Variants in EPO observed in about 807,000 individuals in gnomAD.
The protein encoded by EPO is erythropoietin.
Under a neutral mutation model 24.4 loss-of-function variants are expected in EPO, and 12 were observed. That is an observed-to-expected ratio of 0.49 (90% confidence interval 0.32 to 0.80). The LOEUF (loss-of-function observed/expected upper bound fraction) is 0.80. Among genes scored for constraint, EPO ranks in the 30% least tolerant of loss-of-function variants. The probability of loss-of-function intolerance (pLI) is 0.04; values close to 1 mark genes in which losing one functional copy is unlikely to be tolerated. For synonymous variants in EPO, 107 were observed against 104.0 expected, an observed-to-expected ratio of 1.03 and a Z score of -0.18; for missense variants, 210 against 238.0, an observed-to-expected ratio of 0.88 and a Z score of 0.77.
chr7:100,722,157 A>G, intron 3 of EPO, 109 bp downstream of exon 3: 2 of 1,029,126 alleles, frequency 1.9e-6, no homozygotes, highest in Non-Finnish European at 2.8e-6. Context: ...GGAGCAGCAG[A>G]GATGAGGCTG....
chr7:100,721,945 G>GAAT lies in EPO; in HGVS notation c.160-17_160-16insAAT. The stretch of plus-strand genomic sequence containing the variant: ...GCCTTCAGGGACCCTTGACTCCCCG[G>GAAT]GCTGTGTGCATTTCAGACGGGCTGT... On this transcript the variant is annotated splice_polypyrimidine_tract_variant and intron_variant, in intron 2 of 4. Transcript: ENST00000252723. This position sits in a 1 kb window ranked among gnomAD's most constrained non-coding sequence, Gnocchi z 4.0. 1 of 1,602,416 alleles carries GAAT rather than the reference G, an allele frequency of 6.2e-7. No individual in the cohort carries two copies.
rs939475690 is a variant in EPO at position 100,721,225 on chromosome 7, G to C, written c.13+232G>C. The stretch of plus-strand genomic sequence containing the variant: ...AAGGGGACACAGTTTGGGGGTTGAG[G>C]GGAAGAAGGTTTGGGGGTTCTGCTG... On this transcript the variant is annotated intron_variant, in intron 1 of 4. Coordinates refer to ENST00000252723, the MANE Select transcript of EPO (RefSeq NM_000799.4). This position sits in a 1 kb window ranked among gnomAD's most constrained non-coding sequence, Gnocchi z 4.0. Among the ~76,000 whole-genome samples the C allele has an allele frequency of 2.6e-5, 4 of 152,156 alleles. No homozygotes were observed. Among genetic ancestry groups the C allele is most frequent in the Non-Finnish European group, 5.9e-5 (4 of 68,014 alleles).
Position 100,723,278 on chromosome 7 carries a change from C to A in EPO, c.*145C>A. On this transcript the variant is annotated 3_prime_UTR_variant, in exon 5 of 5. Coordinates refer to ENST00000252723, the MANE Select transcript of EPO (RefSeq NM_000799.4). ...ATGGACACTCCAGTGCCAGCAATGA[C>A]ATCTCAGGGGCCAGAGGAACTGTCC... is the stretch of plus-strand genomic sequence containing the variant. The A allele has an allele frequency of 1.1e-6, 1 of 941,310 alleles. No individual in the cohort carries two copies. The allele number at this position is 941,310 out of a possible 1,614,324, so 58.3% of individuals were successfully genotyped here. A position where few individuals can be genotyped will look rare whatever the true frequency, so the allele number is the denominator to read the frequency against.
Position 100,722,842 on chromosome 7 carries a change from A to G in EPO, c.425A>G (p.Gln142Arg). The G allele has an allele frequency of 1.2e-6, 2 of 1,612,868 alleles. No individual in the cohort carries two copies. The highest frequency in any genetic ancestry group is 1.7e-6 in the Non-Finnish European group (2 of 1,179,654). Residue 142 changes from glutamine to arginine, a missense_variant and splice_region_variant, in exon 4 of 5, where the codon CAG (glutamine) becomes CGG (arginine). Transcript: ENST00000252723. ...ACTCTGCTTCGGGCTCTGGGAGCCC[A>G]GGTGAGTAGGAGCGGACACTTCTGC... ...LTTLLRALGA[Q>R]KEAISPPDAA... is the part of the protein sequence containing the mutation.
chr7:100,720,544 G>A lies in EPO; in HGVS notation c.-437G>A, dbSNP rs1806722840. Among the ~76,000 whole-genome samples the A allele has an allele frequency of 6.6e-6, 1 of 152,008 alleles. No individual in the cohort carries two copies. Among genetic ancestry groups the A allele is most frequent in the Non-Finnish European group, 1.5e-5 (1 of 67,986 alleles). On this transcript the variant is annotated 5_prime_UTR_variant, in exon 1 of 5. Coordinates refer to ENST00000252723, the MANE Select transcript of EPO (RefSeq NM_000799.4). ...ACTCCCCTCCCGCGACCCAGGGCCC[G>A]GGAGCAGCCCCCATGACCCACACGC...
rs2131440755 is a variant in EPO, at chr7:100,721,824, C to G, written c.159+121C>G. 2 of 1,497,588 alleles carry G rather than the reference C, an allele frequency of 1.3e-6. No individual in the cohort carries two copies. Among genetic ancestry groups the G allele is most frequent in the Middle Eastern group, 3.6e-4 (2 of 5,554 alleles). The allele number at this position is 1,497,588 out of a possible 1,614,324, so 92.8% of individuals were successfully genotyped here. A position where few individuals can be genotyped will look rare whatever the true frequency, so the allele number is the denominator to read the frequency against. ...GAGTTGGGAAGCTAGACACTGCCCCCCTACATAAGAATAAGTCTGGTGGCC... is the reference window on the plus strand; with the variant it reads ...GAGTTGGGAAGCTAGACACTGCCCCGCTACATAAGAATAAGTCTGGTGGCC... On this transcript the variant is annotated intron_variant, in intron 2 of 4. Transcript: ENST00000252723. The surrounding 1 kb of genome is among the most constrained non-coding windows in gnomAD (Gnocchi z 4.0).
At position 100,723,197 on chromosome 7, in the gene EPO, C is replaced by T; in HGVS notation, c.*64C>T. 1.3e-6 allele frequency: 2 copies of T among 1,517,918 alleles called. No individual in the cohort carries two copies. The highest frequency in any genetic ancestry group is 1.8e-6 in the Non-Finnish European group (2 of 1,129,738). The allele number at this position is 1,517,918 out of a possible 1,614,324, so 94.0% of individuals were successfully genotyped here. A position where few individuals can be genotyped will look rare whatever the true frequency, so the allele number is the denominator to read the frequency against. On this transcript the variant is annotated 3_prime_UTR_variant, in exon 5 of 5. Coordinates refer to ENST00000252723, the MANE Select transcript of EPO (RefSeq NM_000799.4). ...ACCAACATTGCTTGTGCCACACCCT[C>T]CCCCGCCACTCCTGAACCCCGTCGA...
At chr7:100,722,528 C>CTCACTCAT in intron 3 of EPO, 136 bp from the exon 4 acceptor site, 1 of 351,862 alleles carries the variant, frequency 2.8e-6, no homozygotes, top group South Asian at 3.5e-5. Flanking sequence ...CACTCACTCA[C>CTCACTCAT]TCATTCATTC....
rs541635467 is a variant in EPO at position 100,722,175 on chromosome 7, G to A, written c.246+127G>A. On this transcript the variant is annotated intron_variant, in intron 3 of 4. Coordinates refer to ENST00000252723, the MANE Select transcript of EPO (RefSeq NM_000799.4). ...GCAGCAGAGATGAGGCTGCCTGGGC[G>A]CAGAGGCTCACGTCTATAATCCCAG... The A allele has an allele frequency of 6.3e-5, 54 of 860,050 alleles. No individual in the cohort carries two copies. The African/African-American group carries it at 6.7e-4, about 11-fold the overall frequency. The allele number at this position is 860,050 out of a possible 1,614,324, so 53.3% of individuals were successfully genotyped here.
rs1183928019 is a variant in EPO, at chr7:100,722,006, C to T, written c.204C>T (p.Val68=). ...GCAGCTTGAATGAGAATATCACTGT[C>T]CCAGACACCAAAGTTAATTTCTATG... ...EHCSLNENIT[V]PDTKVNFYAW... is the part of the protein sequence containing the mutation. Residue 68 remains valine, a synonymous_variant, in exon 3 of 5, where the codon GTC becomes GTT. Transcript: ENST00000252723. The T allele has an allele frequency of 6.2e-7, 1 of 1,612,644 alleles. No homozygotes were observed. Among genetic ancestry groups the T allele is most frequent in the Non-Finnish European group, 8.5e-7 (1 of 1,179,690 alleles).
In EPO at chr7:100,720,689, C is replaced by T. The variant is rs1806725127; in HGVS notation, c.-292C>T. 1.1e-5 allele frequency: 4 copies of T among 357,420 alleles called. No individual in the cohort carries two copies. The South Asian group carries it at 5.2e-4, about 46-fold the overall frequency. 22.1% of individuals were successfully genotyped at this position (357,420 alleles called of 1,614,324 possible). A position where few individuals can be genotyped will look rare whatever the true frequency, so the allele number is the denominator to read the frequency against. ...CTCACGCACACAGCCTCTCCCCCACCCCCACCCGCGCACGCACACATGCAG... is the reference window on the plus strand; with the variant it reads ...CTCACGCACACAGCCTCTCCCCCACTCCCACCCGCGCACGCACACATGCAG... On this transcript the variant is annotated 5_prime_UTR_variant, in exon 1 of 5. Transcript: ENST00000252723.
Position 100,721,011 on chromosome 7 carries a change from G to C in EPO, c.13+18G>C. ...GGTGCACGGTGAGTACTCGCGGGCTGGGCGCTCCCGCCCGCCCGGGTCCCT... is the reference window on the plus strand; with the variant it reads ...GGTGCACGGTGAGTACTCGCGGGCTCGGCGCTCCCGCCCGCCCGGGTCCCT... On this transcript the variant is annotated intron_variant, in intron 1 of 4. Transcript: ENST00000252723. This position sits in a 1 kb window ranked among gnomAD's most constrained non-coding sequence, Gnocchi z 4.0. The C allele has an allele frequency of 6.4e-7, 1 of 1,572,348 alleles. No individual in the cohort carries two copies. The highest frequency in any genetic ancestry group is 8.6e-7 in the Non-Finnish European group (1 of 1,160,938).
Position 100,720,724 on chromosome 7 carries a change from C to T in EPO, c.-257C>T. The T allele has an allele frequency of 2.5e-6, 1 of 395,806 alleles. No individual in the cohort carries two copies. The highest frequency in any genetic ancestry group is 4.4e-6 in the Non-Finnish European group (1 of 226,788). 24.5% of individuals were successfully genotyped at this position (395,806 alleles called of 1,614,324 possible). ...GCACGCACACATGCAGATAACAGCC[C>T]CGACCCCCGGCCAGAGCCGCAGAGT... On this transcript the variant is annotated 5_prime_UTR_variant, in exon 1 of 5. Coordinates refer to ENST00000252723, the MANE Select transcript of EPO (RefSeq NM_000799.4).
Position 100,721,759 on chromosome 7 carries a change from C to A in EPO, c.159+56C>A. 6.4e-7 allele frequency: 1 copy of A among 1,570,772 alleles called. No individual in the cohort carries two copies. Among genetic ancestry groups the A allele is most frequent in the Non-Finnish European group, 8.6e-7 (1 of 1,162,980 alleles). ...AACTCACGCTCAGGGCTTCAGGGAA[C>A]TCCTCCCAGATCCAGGAACCTGGCA... is the stretch of plus-strand genomic sequence containing the variant. On this transcript the variant is annotated intron_variant, in intron 2 of 4. Coordinates refer to ENST00000252723, the MANE Select transcript of EPO (RefSeq NM_000799.4). The surrounding 1 kb of genome is among the most constrained non-coding windows in gnomAD (Gnocchi z 4.0).
chr7:100,721,674 T>C lies in EPO; in HGVS notation c.130T>C (p.Leu44=), dbSNP rs754755075. Residue 44 remains leucine (L), a synonymous_variant, in exon 2 of 5, where the codon TTG becomes CTG. Transcript: ENST00000252723. This position sits in a 1 kb window ranked among gnomAD's most constrained non-coding sequence, Gnocchi z 4.0. ...CAGCCGAGTCCTGGAGAGGTACCTC[T>C]TGGAGGCCAAGGAGGCCGAGAATAT... ...CDSRVLERYL[L]EAKEAENITT... The C allele has an allele frequency of 6.8e-6, 11 of 1,612,230 alleles. No individual in the cohort carries two copies. Among genetic ancestry groups the C allele is most frequent in the East Asian group, 2.2e-5 (1 of 44,900 alleles).
chr7:100,723,241 C>T lies in EPO; in HGVS notation c.*108C>T, dbSNP rs1213185661. On this transcript the variant is annotated 3_prime_UTR_variant, in exon 5 of 5. Coordinates refer to ENST00000252723, the MANE Select transcript of EPO (RefSeq NM_000799.4). The stretch of plus-strand genomic sequence containing the variant: ...CCGTCGAGGGGCTCTCAGCTCAGCG[C>T]CAGCCTGTCCCATGGACACTCCAGT... The T allele has an allele frequency of 7.6e-7, 1 of 1,319,330 alleles. No individual in the cohort carries two copies. Among genetic ancestry groups the T allele is most frequent in the Admixed American group, 2.1e-5 (1 of 46,838 alleles). The allele number at this position is 1,319,330 out of a possible 1,614,324, so 81.7% of individuals were successfully genotyped here.
At position 100,721,824 on chromosome 7, in the gene EPO, C is replaced by A; in HGVS notation, c.159+121C>A. On this transcript the variant is annotated intron_variant, in intron 2 of 4. Coordinates refer to ENST00000252723, the MANE Select transcript of EPO (RefSeq NM_000799.4). This position sits in a 1 kb window ranked among gnomAD's most constrained non-coding sequence, Gnocchi z 4.0. The stretch of plus-strand genomic sequence containing the variant: ...GAGTTGGGAAGCTAGACACTGCCCC[C>A]CTACATAAGAATAAGTCTGGTGGCC... The A allele has an allele frequency of 3.3e-6, 5 of 1,497,588 alleles. No individual in the cohort carries two copies. The highest frequency in any genetic ancestry group is 4.5e-6 in the Non-Finnish European group (5 of 1,116,010). 92.8% of individuals were successfully genotyped at this position (1,497,588 alleles called of 1,614,324 possible).
intron 3 of EPO, among the ~76,000 whole-genome samples, chr7:100,722,383 G>A (rs1806754981): frequency 6.6e-6 from 1 of 152,110 alleles, no homozygotes; most frequent in Non-Finnish European, 1.5e-5. Context: ...CCAGGAATTT[G>A]AGGCTGCAGT....
chr7:100,721,464 A>G lies in EPO; in HGVS notation c.14-94A>G, dbSNP rs963880833. ...TGCATGGTTGGGGACAGGAAGGACGAGCTGGGGCAGAGACGTGGGGATGAA... is the reference window on the plus strand; with the variant it reads ...TGCATGGTTGGGGACAGGAAGGACGGGCTGGGGCAGAGACGTGGGGATGAA... On this transcript the variant is annotated intron_variant, in intron 1 of 4. Coordinates refer to ENST00000252723, the MANE Select transcript of EPO (RefSeq NM_000799.4). The surrounding 1 kb of genome is among the most constrained non-coding windows in gnomAD (Gnocchi z 4.0). 5.3e-6 allele frequency: 8 copies of G among 1,511,564 alleles called. No homozygotes were observed. Among genetic ancestry groups the G allele is most frequent in the Non-Finnish European group, 7.1e-6 (8 of 1,120,104 alleles). 93.6% of individuals were successfully genotyped at this position (1,511,564 alleles called of 1,614,324 possible).
Sources: allele counts gnomAD v4.1 joint callset (sites outside exome capture counted in the v4.1 genomes callset), GRCh38; gene constraint gnomAD v4.1.1; non-coding constraint Gnocchi (gnomAD v3.1); transcripts MANE v1.5; gene names NCBI Gene and HGNC (gene_info 2026-07-23, HGNC 2026-07-21).